The following NEGR1 variants were observed in gnomAD, a reference collection of about 807,000 sequenced individuals.
NEGR1 encodes IgLON family member 4.
In NEGR1, 10 loss-of-function variants were observed where a neutral mutation model predicts 40.9. That is an observed-to-expected ratio of 0.24 (90% CI 0.15 to 0.42). NEGR1 has a LOEUF of 0.42. Ranked by LOEUF, NEGR1 falls within the 10% of genes least tolerant of loss-of-function variation. NEGR1 has a pLI of 1.00. For synonymous variants in NEGR1, 185 were observed against 166.8 expected (o/e 1.11, Z -0.84); for missense variants, 352 against 438.9 (o/e 0.80, Z 1.77).
chr1:71,583,471 TA>T (rs1317868545), intron 6 of NEGR1, among the ~76,000 whole-genome samples: 1 of 152,162 alleles, frequency 6.6e-6, no homozygotes, highest in African/African-American at 2.4e-5. Context: ...CTGAGAGAAA[TA>T]AACCCTTTCA....
chr1:71,803,899 G>A lies in NEGR1; in HGVS notation c.410-27602C>T, dbSNP rs559609992. 4.5e-4 allele frequency among the ~76,000 whole-genome samples: 69 copies of A among 151,992 alleles called. 1 individual carries two copies. The South Asian group carries it at 0.013, about 29-fold the overall frequency. The stretch of plus-strand genomic sequence containing the variant: ...GAATAGATTCTGTCAGATAATAAAT[G>A]TTTAATAAGCATTTGTTAAATTAAT... On this transcript the variant is annotated intron_variant, in intron 2 of 6. Coordinates refer to ENST00000357731, the MANE Select transcript of NEGR1 (RefSeq NM_173808.3).
At chr1:71,490,624 G>T (rs1468703644) in intron 6 of NEGR1, among the ~76,000 whole-genome samples, 1 of 151,950 alleles carries the variant, frequency 6.6e-6, no homozygotes, top group Non-Finnish European at 1.5e-5. Context: ...ACTCAGTCTT[G>T]GCAATGATTG....
At chr1:71,488,199 C>T (rs1434027074) in intron 6 of NEGR1, 1 of 151,798 alleles carries the variant, frequency 6.6e-6, no homozygotes, top group African/African-American at 2.4e-5. Flanking sequence ...TTGCTGATCT[C>T]AACAGTCTAA....
chr1:72,270,567 A>C (rs1443377858), intron 1 of NEGR1, among the ~76,000 whole-genome samples: 1 of 151,850 alleles, frequency 6.6e-6, no homozygotes, highest in Non-Finnish European at 1.5e-5. Context: ...CTTATCAACT[A>C]TTCCAATATT....
intron 3 of NEGR1, among the ~76,000 whole-genome samples, 195 bp from the exon 4 acceptor site, chr1:71,698,334 A>G (rs1372347999): frequency 6.6e-6 from 1 of 151,880 alleles, no homozygotes; most frequent in Non-Finnish European, 1.5e-5. Flanking sequence ...GAGGTATATT[A>G]TAACAACTAT....
At chr1:71,507,393 A>G (rs1193071087) in intron 6 of NEGR1, among the ~76,000 whole-genome samples, 3 of 152,208 alleles carry the variant, frequency 2.0e-5, no homozygotes, top group Non-Finnish European at 4.4e-5. Flanking sequence ...ACTAATGTCT[A>G]TATCACACAA....
chr1:71,592,836 A>G lies in NEGR1; in HGVS notation c.921T>C (p.Asn307=). 1 of 1,613,178 alleles carries G rather than the reference A, an allele frequency of 6.2e-7. No individual in the cohort carries two copies. The highest frequency in any genetic ancestry group is 8.5e-7 in the Non-Finnish European group (1 of 1,179,316). The part of the protein sequence containing the change: ...CVAANKLGTT[N]ASLPLNPPST... ...ACTTACGGTTAAGAGGCAGGCTCGC[A>G]TTGGTTGTGCCTAGCTTGTTGGCAG... Residue 307 remains asparagine (N), a synonymous_variant, in exon 6 of 7, where the codon AAT becomes AAC. Transcript: ENST00000357731.
chr1:72,275,262 A>AT (rs1017455904), intron 1 of NEGR1: 19 of 544,712 alleles, frequency 3.5e-5, no homozygotes, highest in Admixed American at 6.3e-5. Flanking sequence ...GTTATACCAC[A>AT]TTTTTTTCTG....
At chr1:71,557,299 G>C (rs947010231) in intron 6 of NEGR1, among the ~76,000 whole-genome samples, 1 of 151,570 alleles carries the variant, frequency 6.6e-6, no homozygotes, top group African/African-American at 2.4e-5. Context: ...GGCATGTGAG[G>C]GCTTGGAACT....
intron 6 of NEGR1, among the ~76,000 whole-genome samples, chr1:71,523,681 T>C (rs1034549963): frequency 6.6e-6 from 1 of 151,912 alleles, no homozygotes; most frequent in Admixed American, 6.6e-5. Context: ...CTCTCCTGCC[T>C]ACTAATATTC....
intron 6 of NEGR1, among the ~76,000 whole-genome samples, chr1:71,576,771 G>T (rs528255881): frequency 1.2e-4 from 19 of 152,184 alleles, no homozygotes; most frequent in Non-Finnish European, 1.9e-4. Context: ...ATTTGGAGAA[G>T]TATTTATAAA....
intron 6 of NEGR1, chr1:71,573,339 C>A (rs997482276): frequency 5.9e-5 from 9 of 152,146 alleles, no homozygotes; most frequent in African/African-American, 2.2e-4. Context: ...GCAAAATTGC[C>A]ATTTTTTTAG....
intron 1 of NEGR1, among the ~76,000 whole-genome samples, chr1:72,052,761 A>G (rs1267438562): frequency 1.3e-5 from 2 of 151,504 alleles, no homozygotes; most frequent in Non-Finnish European, 3.0e-5. Context: ...ACATTTTATA[A>G]AAGTTTAACT....
chr1:71,659,510 G>A (rs1322788954), intron 4 of NEGR1, among the ~76,000 whole-genome samples: 1 of 152,018 alleles, frequency 6.6e-6, no homozygotes, highest in Non-Finnish European at 1.5e-5. Context: ...ATCTTCTATA[G>A]AGCAAAAGAA....
intron 6 of NEGR1, among the ~76,000 whole-genome samples, chr1:71,451,132 G>A (rs1646624951): frequency 6.6e-6 from 1 of 152,170 alleles, no homozygotes; most frequent in Admixed American, 6.5e-5. Context: ...CCCCGTCCCA[G>A]AGTACTTGGG....
At chr1:71,750,018 G>A (rs1313472183) in intron 3 of NEGR1, among the ~76,000 whole-genome samples, 1 of 125,362 alleles carries the variant, frequency 8.0e-6, no homozygotes, top group African/African-American at 3.4e-5. Context: ...ACGGAGTCTC[G>A]CTCTGTCGCC....
At chr1:71,740,041 G>C (rs948798941) in intron 3 of NEGR1, among the ~76,000 whole-genome samples, 1 of 152,070 alleles carries the variant, frequency 6.6e-6, no homozygotes, top group Non-Finnish European at 1.5e-5. Context: ...AATTCTTCAT[G>C]ATACCAACTT....
chr1:72,245,884 A>C (rs534494315), intron 1 of NEGR1, among the ~76,000 whole-genome samples: 56 of 152,284 alleles, frequency 3.7e-4, no homozygotes, highest in African/African-American at 1.3e-3. Flanking sequence ...AGTTTCAAAA[A>C]TTTAATGACA....
At chr1:72,238,496 G>A (rs1654634423) in intron 1 of NEGR1, among the ~76,000 whole-genome samples, 1 of 151,604 alleles carries the variant, frequency 6.6e-6, no homozygotes, top group African/African-American at 2.4e-5. Flanking sequence ...AAGGCCATTA[G>A]GTTTCAGGGA....
Sources: gnomAD v4.1 joint callset for allele counts (sites outside exome capture counted in the v4.1 genomes callset) on GRCh38, gnomAD v4.1.1 for gene constraint, MANE v1.5 for transcripts, NCBI Gene and HGNC (gene_info 2026-07-23, HGNC 2026-07-21) for gene names.